Variants in COL6A6 observed in about 807,000 individuals in gnomAD.
COL6A6 encodes the protein collagen alpha-6(VI) chain.
In COL6A6, 183 loss-of-function variants were observed where a neutral mutation model predicts 208.6. The observed-to-expected ratio is 0.88, with a 90% CI of 0.78 to 0.99. The LOEUF (loss-of-function observed/expected upper bound fraction) is 0.99. Ranked by LOEUF, COL6A6 falls within the 50% of genes least tolerant of loss-of-function variation. The pLI is 0.00. For synonymous variants in COL6A6, 973 were observed against 1,011.8 expected (o/e 0.96, Z 0.73); for missense variants, 2,816 against 2,815.2 (o/e 1.00, Z -0.01).
chr3:130,526,163 G>T (rs1044242677), intron 1 of COL6A6, among the ~76,000 whole-genome samples: 2 of 152,078 alleles, frequency 1.3e-5, no homozygotes, highest in Non-Finnish European at 2.9e-5. Flanking sequence ...CTATAAAAAA[G>T]GTGGGAGGTA....
At chr3:130,666,348 A>G (rs2066074263) in intron 36 of COL6A6, among the ~76,000 whole-genome samples, 1 of 152,104 alleles carries the variant, frequency 6.6e-6, no homozygotes, top group Non-Finnish European at 1.5e-5. Context: ...TTTATAAGAG[A>G]ATGTCTTTGT....
In COL6A6 at chr3:130,637,476, C is replaced by G. The variant is rs541782927; in HGVS notation, c.5091+1715C>G. ...AAAATGTTTGAAAATTTTTTTTTCT[C>G]CATTTTGGACAATTTATCACTGTTC... On this transcript the variant is annotated intron_variant, in intron 28 of 36. Coordinates refer to ENST00000358511, the MANE Select transcript of COL6A6 (RefSeq NM_001102608.3). Among the ~76,000 whole-genome samples, 9 of 151,820 alleles carry G rather than the reference C, an allele frequency of 5.9e-5. No homozygotes were observed. The East Asian group carries it at 1.8e-3, about 30-fold the overall frequency.
chr3:130,531,054 A>AGTCTCTCT (rs879609597), intron 1 of COL6A6, among the ~76,000 whole-genome samples: 4 of 83,818 alleles, frequency 4.8e-5, no homozygotes, highest in Admixed American at 1.3e-4. Flanking sequence ...ACACACACAC[A>AGTCTCTCT]CACACAGTCT....
chr3:130,609,007 A>C, intron 22 of COL6A6, 43 bp downstream of exon 22: 5 of 1,478,984 alleles, frequency 3.4e-6, no homozygotes, highest in Non-Finnish European at 4.7e-6. Context: ...ATAAAGAAGA[A>C]TCTGGGAATG....
chr3:130,667,770 G>A (rs2066111225), intron 36 of COL6A6, among the ~76,000 whole-genome samples: 1 of 151,976 alleles, frequency 6.6e-6, no homozygotes, highest in African/African-American at 2.4e-5. Flanking sequence ...AGGAAAGCAA[G>A]GTGGTACTAA....
intron 7 of COL6A6, 61 bp downstream of exon 7, chr3:130,571,454 C>A: frequency 8.0e-7 from 1 of 1,251,050 alleles, no homozygotes; most frequent in Non-Finnish European, 1.1e-6. Context: ...AGAGAGAAAG[C>A]AAAGCAATGG....
chr3:130,529,187 C>A (rs368927477), intron 1 of COL6A6, among the ~76,000 whole-genome samples: 2 of 151,854 alleles, frequency 1.3e-5, no homozygotes, highest in East Asian at 1.9e-4. Flanking sequence ...CAAAATGACT[C>A]CATCTTTTCT....
chr3:130,553,522 G>T (rs1338050098), intron 1 of COL6A6, among the ~76,000 whole-genome samples: 2 of 152,110 alleles, frequency 1.3e-5, no homozygotes, highest in African/African-American at 2.4e-5. Flanking sequence ...TTTTTAAAAT[G>T]ACCATTTCTT....
At chr3:130,663,122 T>A (rs2065979570) in intron 35 of COL6A6, among the ~76,000 whole-genome samples, 1 of 152,202 alleles carries the variant, frequency 6.6e-6, no homozygotes, top group Non-Finnish European at 1.5e-5. Context: ...AGGTCCTGAT[T>A]GTGTCTCAAA....
chr3:130,564,435 T>C (rs1391419421), intron 3 of COL6A6, among the ~76,000 whole-genome samples: 1 of 152,242 alleles, frequency 6.6e-6, no homozygotes, highest in East Asian at 1.9e-4. Context: ...ATATGTTATA[T>C]AGGAAACTCA....
At chr3:130,628,479 G>A (rs1303529218) in intron 26 of COL6A6, among the ~76,000 whole-genome samples, 1 of 152,042 alleles carries the variant, frequency 6.6e-6, no homozygotes, top group Non-Finnish European at 1.5e-5. Context: ...ATCTTTCTGG[G>A]CAGTAAGATT....
At chr3:130,621,132 T>A (rs1325773163) in intron 23 of COL6A6, among the ~76,000 whole-genome samples, 1 of 152,224 alleles carries the variant, frequency 6.6e-6, no homozygotes, top group Non-Finnish European at 1.5e-5. Context: ...GGTGTTATAT[T>A]TATCATCTGT....
intron 13 of COL6A6, among the ~76,000 whole-genome samples, chr3:130,592,164 T>C (rs2063731804): frequency 7.0e-6 from 1 of 142,078 alleles, no homozygotes; most frequent in Non-Finnish European, 1.5e-5. Context: ...GAAAGCATGC[T>C]CAAGCAACAT....
intron 23 of COL6A6, among the ~76,000 whole-genome samples, chr3:130,611,815 A>C (rs992855049): frequency 4.6e-5 from 7 of 152,342 alleles, no homozygotes; most frequent in Admixed American, 2.6e-4. Flanking sequence ...GTCTAGGTGT[A>C]CACGTGCAGG....
intron 10 of COL6A6, among the ~76,000 whole-genome samples, chr3:130,583,949 T>C (rs1477775317): frequency 6.6e-6 from 1 of 152,120 alleles, no homozygotes; most frequent in Non-Finnish European, 1.5e-5. Context: ...TATGCAATCA[T>C]CACTGAACAA....
chr3:130,542,807 T>A (rs914081211), intron 1 of COL6A6, among the ~76,000 whole-genome samples: 7 of 152,174 alleles, frequency 4.6e-5, no homozygotes, highest in African/African-American at 1.7e-4. Flanking sequence ...CTTTTCTTGC[T>A]CTGAAGTTTG....
intron 1 of COL6A6, among the ~76,000 whole-genome samples, chr3:130,552,042 T>A (rs1446836166): frequency 4.6e-5 from 7 of 152,190 alleles, no homozygotes; most frequent in Admixed American, 3.9e-4. Flanking sequence ...TTTAGTTTTT[T>A]AATTTGAGGA....
intron 10 of COL6A6, among the ~76,000 whole-genome samples, chr3:130,586,220 C>T (rs1367767402): frequency 6.6e-6 from 1 of 152,218 alleles, no homozygotes; most frequent in Non-Finnish European, 1.5e-5. Flanking sequence ...CTTTAGCATG[C>T]TCTGTAGATC....
intron 7 of COL6A6, among the ~76,000 whole-genome samples, chr3:130,573,229 G>A (rs2107946489): frequency 6.6e-6 from 1 of 152,242 alleles, no homozygotes; most frequent in East Asian, 1.9e-4. Context: ...TGAACTATCT[G>A]CCTCTTTGTT....
Sources: gnomAD v4.1 joint callset for allele counts (sites outside exome capture counted in the v4.1 genomes callset) on GRCh38, gnomAD v4.1.1 for gene constraint, MANE v1.5 for transcripts, NCBI Gene and HGNC (gene_info 2026-07-23, HGNC 2026-07-21) for gene names.